SBNO1: variants seen among roughly 807,000 people sequenced by gnomAD.
SBNO1 encodes strawberry notch homolog 1.
Under a neutral mutation model 173.6 loss-of-function variants are expected in SBNO1, and 23 were observed. The ratio of observed to expected loss-of-function variants is 0.13; its 90% CI spans 0.10 to 0.19. SBNO1 has a LOEUF of 0.19. SBNO1 is among the 10% of genes least tolerant of loss of function. The pLI, the probability that SBNO1 is intolerant of heterozygous loss-of-function variation, is 1.00. For missense variants in SBNO1, 1,238 were observed against 1,671.2 expected (o/e 0.74, Z 4.52); for synonymous variants, 632 against 571.5 (o/e 1.11, Z -1.51).
In SBNO1 at chr12:123,298,567, T is replaced by C. The variant is rs118097186; in HGVS notation, c.3846-396A>G. ...ACCGCTCTTGGCCTCAAATTTCAAA[T>C]AAACAATGTTTCAGCAGTATTTGCC... On this transcript the variant is annotated intron_variant, in intron 30 of 31. Coordinates refer to ENST00000602398, the MANE Select transcript of SBNO1 (RefSeq NM_001167856.3). 1.9e-3 allele frequency among the ~76,000 whole-genome samples: 282 copies of C among 152,334 alleles called. 1 individual carries two copies. The East Asian group carries it at 0.035, about 19-fold the overall frequency.
intron 30 of SBNO1, 126 bp from the exon 31 acceptor site, chr12:123,298,297 G>A: frequency 1.0e-6 from 1 of 975,808 alleles, no homozygotes; most frequent in Non-Finnish European, 1.5e-6. Context: ...ATGGAGTTTT[G>A]CTCTTGTTGC....
At chr12:123,303,051 T>C in intron 29 of SBNO1, 151 bp from the exon 30 acceptor site, 1 of 615,286 alleles carries the variant, frequency 1.6e-6, no homozygotes, top group South Asian at 2.2e-5. Context: ...GAACGCCATT[T>C]GAAAAGCTCT....
At chr12:123,362,361 G>C (rs1479931388) in intron 1 of SBNO1, among the ~76,000 whole-genome samples, 3 of 126,784 alleles carry the variant, frequency 2.4e-5, no homozygotes, top group Non-Finnish European at 4.7e-5. Context: ...GCGTGAACCC[G>C]GGAGGCGGAG....
At position 123,311,093 on chromosome 12, in the gene SBNO1, T is replaced by A; in HGVS notation, c.3257A>T (p.Asn1086Ile). The stretch of plus-strand genomic sequence containing the variant: ...AAGAATTCCCGAGCGATCTTCTACA[T>A]TTATCAGGCCAACGCCTATCAGTCC... ...RQGLIGVGLI[N>I]VEDRSGILTL... The change falls in exon 25 of 32, where the codon AAT becomes ATT. Residue 1086 changes from asparagine to isoleucine, a missense_variant. By Grantham distance (149) the Asn-to-Ile change is moderately radical (BLOSUM62 -3). Coordinates refer to ENST00000602398, the MANE Select transcript of SBNO1 (RefSeq NM_001167856.3). 1 of 1,613,792 alleles carries A rather than the reference T, an allele frequency of 6.2e-7. No individual in the cohort carries two copies. The highest frequency in any genetic ancestry group is 1.1e-5 in the South Asian group (1 of 91,068).
chr12:123,317,830 T>C (rs992404772), intron 20 of SBNO1, among the ~76,000 whole-genome samples: 1 of 152,260 alleles, frequency 6.6e-6, no homozygotes. Flanking sequence ...TTGTATTTTC[T>C]GTTATTTAAC....
intron 31 of SBNO1, 41 bp from the exon 32 acceptor site, chr12:123,296,091 G>A: frequency 1.5e-6 from 2 of 1,327,888 alleles, no homozygotes; most frequent in South Asian, 1.2e-5. Context: ...GTGTCCAGAA[G>A]AAACCACACT....
intron 1 of SBNO1, among the ~76,000 whole-genome samples, chr12:123,362,103 G>T (rs1220612267): frequency 6.7e-6 from 1 of 149,910 alleles, no homozygotes; most frequent in Middle Eastern, 3.2e-3. Flanking sequence ...TTATGACACC[G>T]CACTCCAGCC....
chr12:123,295,966 T>C lies in SBNO1; in HGVS notation c.4124A>G (p.Gln1375Arg). The change falls in exon 32 of 32, where the codon CAG becomes CGG. Residue 1375 changes from glutamine to arginine, a missense_variant. Around this residue, in one of 14 missense-constraint regions of SBNO1, gnomAD observed 351 missense variants for 420.3 expected, o/e 0.84. Transcript: ENST00000602398. ...GTGATGCTGTTGCCATAGCTGTTTCTGTTGGACCGCAAGCTGTTGAGACTG... is the reference window on the plus strand; with the variant it reads ...GTGATGCTGTTGCCATAGCTGTTTCCGTTGGACCGCAAGCTGTTGAGACTG... The part of the protein sequence containing the change: ...SDQSQQLAVQ[Q>R]KQLWQQHHPQ... The C allele has an allele frequency of 1.2e-6, 2 of 1,613,758 alleles. No individual in the cohort carries two copies. Among genetic ancestry groups the C allele is most frequent in the Non-Finnish European group, 1.7e-6 (2 of 1,179,620 alleles).
Position 123,364,734 on chromosome 12 carries a change from T to C in SBNO1, c.-34A>G. The C allele has an allele frequency of 1.0e-6, 1 of 987,164 alleles. No individual in the cohort carries two copies. 61.2% of individuals were successfully genotyped at this position (987,164 alleles called of 1,614,324 possible). On this transcript the variant is annotated 5_prime_UTR_variant, in exon 1 of 32. Transcript: ENST00000602398. Reference sequence around the variant, plus strand: ...CGGGACCCGGCGCCAGCACAGCTCCTCCCGGGAGGTGTGAGTTTGAAGGAC... The same window carrying C: ...CGGGACCCGGCGCCAGCACAGCTCCCCCCGGGAGGTGTGAGTTTGAAGGAC...
chr12:123,296,344 C>G (rs2048593868), intron 31 of SBNO1, among the ~76,000 whole-genome samples: 1 of 152,146 alleles, frequency 6.6e-6, no homozygotes, highest in Non-Finnish European at 1.5e-5. Flanking sequence ...TTAAGAATAT[C>G]TATTATTCTA....
intron 25 of SBNO1, among the ~76,000 whole-genome samples, chr12:123,310,695 C>G (rs979819917): frequency 6.6e-6 from 1 of 150,708 alleles, no homozygotes; most frequent in Non-Finnish European, 1.5e-5. Context: ...CCACCAGGCC[C>G]GGCTAATTTT....
intron 1 of SBNO1, chr12:123,364,352 C>G: frequency 1.0e-6 from 1 of 985,108 alleles, no homozygotes; most frequent in South Asian, 4.7e-5. Context: ...GCCAAAGGGG[C>G]GAACCCAGCG....
At chr12:123,348,005 A>G in intron 3 of SBNO1, 24 bp downstream of exon 3, 1 of 1,419,176 alleles carries the variant, frequency 7.0e-7, no homozygotes, top group Non-Finnish European at 9.9e-7. Flanking sequence ...TTTAGAAGTA[A>G]CGACGAATCT....
At chr12:123,352,970 T>C (rs998757715) in intron 1 of SBNO1, among the ~76,000 whole-genome samples, 35 of 152,112 alleles carry the variant, frequency 2.3e-4, no homozygotes, top group African/African-American at 8.2e-4. Context: ...GCTAATTTTT[T>C]GTATTTTAGT....
chr12:123,304,630 CTTCCCA>C lies in SBNO1; in HGVS notation c.3714_3719del (p.Gly1239_Lys1240del). 1 of 1,573,594 alleles carries C rather than the reference CTTCCCA, an allele frequency of 6.4e-7. No individual in the cohort carries two copies. The highest frequency in any genetic ancestry group is 8.7e-7 in the Non-Finnish European group (1 of 1,144,234). ...CAGCATAAATTTCTAATTTGAGCTG[CTTCCCA>C]GTATTTGGTCGATAAACTAAGAAAA... On this transcript the variant is annotated inframe_deletion, in exon 29 of 32. Transcript: ENST00000602398.
intron 30 of SBNO1, among the ~76,000 whole-genome samples, chr12:123,300,481 C>A (rs1228901347): frequency 6.6e-6 from 1 of 151,882 alleles, no homozygotes; most frequent in Non-Finnish European, 1.5e-5. Context: ...CACGGTGAAA[C>A]CCCGTCTCTA....
intron 25 of SBNO1, among the ~76,000 whole-genome samples, chr12:123,310,511 C>T (rs567279465): frequency 1.8e-3 from 270 of 152,024 alleles, no homozygotes; most frequent in African/African-American, 6.2e-3. Context: ...GGATTACAGG[C>T]GTGAGCCACC....
At chr12:123,333,547 G>C (rs1464703038) in intron 7 of SBNO1, among the ~76,000 whole-genome samples, 1 of 151,664 alleles carries the variant, frequency 6.6e-6, no homozygotes, top group East Asian at 1.9e-4. Flanking sequence ...CATCACCCAG[G>C]GTGGAGTGAC....
In SBNO1 at chr12:123,315,655, T is replaced by C; in HGVS notation, c.2941A>G (p.Thr981Ala). 1 of 1,597,920 alleles carries C rather than the reference T, an allele frequency of 6.3e-7. No individual in the cohort carries two copies. Among genetic ancestry groups the C allele is most frequent in the Non-Finnish European group, 8.6e-7 (1 of 1,165,504 alleles). The part of the protein sequence containing the change: ...ADRAIQQFGR[T>A]HRSNQVTAPE... ...GCAGTAACTTGGTTTGATCTATGAGTACGTCCTGCAACGAAATTTTGTTTT... is the reference window on the plus strand; with the variant it reads ...GCAGTAACTTGGTTTGATCTATGAGCACGTCCTGCAACGAAATTTTGTTTT... Residue 981 changes from threonine (T) to alanine (A), a missense_variant, in exon 22 of 32, where the codon ACT becomes GCT. Physicochemically the swap from Thr to Ala is moderately conservative, Grantham distance 58. Coordinates refer to ENST00000602398, the MANE Select transcript of SBNO1 (RefSeq NM_001167856.3).
Sources: allele counts gnomAD v4.1 joint callset (sites outside exome capture counted in the v4.1 genomes callset), GRCh38; gene constraint gnomAD v4.1.1; regional missense constraint gnomAD v4.1.1; transcripts MANE v1.5; gene names NCBI Gene and HGNC (gene_info 2026-07-23, HGNC 2026-07-21).